Variants in FOXP2 observed in about 807,000 individuals in gnomAD.
The protein encoded by FOXP2 is forkhead box protein P2.
FOXP2 carries 12 observed loss-of-function variants against 115.8 expected under a neutral mutation model. The ratio of observed to expected loss-of-function variants is 0.10; its 90% CI spans 0.07 to 0.17. The LOEUF (loss-of-function observed/expected upper bound fraction) is 0.17, where lower values mean the gene tolerates loss of function less well. FOXP2 is among the 10% of genes least tolerant of loss of function. The probability of loss-of-function intolerance (pLI) is 1.00; values close to 1 mark genes in which losing one functional copy is unlikely to be tolerated. For synonymous variants in FOXP2, 328 were observed against 297.7 expected (o/e 1.10, Z -1.05); for missense variants, 629 against 843.5 (o/e 0.75, Z 3.15).
At position 114,147,666 on chromosome 7, in the gene FOXP2, A is replaced by C. The variant is rs1792413879; in HGVS notation, c.-246-15278A>C. On this transcript the variant is annotated intron_variant, in intron 1 of 19. Transcript: ENST00000635638. ...AATGATCATTTGATACTAGTCTATAAAGCCAAAAAAGAAAAATAATTTAAT... is the reference window on the plus strand; with the variant it reads ...AATGATCATTTGATACTAGTCTATACAGCCAAAAAAGAAAAATAATTTAAT... Among the ~76,000 whole-genome samples the C allele has an allele frequency of 2.0e-5, 3 of 152,300 alleles. No homozygotes were observed. The South Asian group carries it at 6.2e-4, about 32-fold the overall frequency.
At chr7:114,589,647 A>G (rs1253405491) in intron 3 of FOXP2, among the ~76,000 whole-genome samples, 2 of 152,202 alleles carry the variant, frequency 1.3e-5, no homozygotes, top group East Asian at 3.9e-4. Context: ...CATTTCTGTG[A>G]GAAAGCTTGC....
At position 114,517,005 on chromosome 7, in the gene FOXP2, A is replaced by G. The variant is rs148327739; in HGVS notation, c.169-17612A>G. 1.8e-3 allele frequency among the ~76,000 whole-genome samples: 267 copies of G among 151,800 alleles called. 1 individual carries two copies. The highest frequency in any genetic ancestry group is 3.1e-3 in the Non-Finnish European group (209 of 67,904). Reference sequence around the variant, plus strand: ...CACTGTGCCTGACCTTTGTCTTTTAATAGTAACCATTCTTTTTTTTTTTAA... The same window carrying G: ...CACTGTGCCTGACCTTTGTCTTTTAGTAGTAACCATTCTTTTTTTTTTTAA... On this transcript the variant is annotated intron_variant, in intron 2 of 16. Transcript: ENST00000350908.
At chr7:114,095,825 C>T (rs529753752) in intron 1 of FOXP2, among the ~76,000 whole-genome samples, 27 of 152,244 alleles carry the variant, frequency 1.8e-4, no homozygotes, top group African/African-American at 6.0e-4. Context: ...TTTACATGCA[C>T]AGACATACAT....
intron 16 of FOXP2, among the ~76,000 whole-genome samples, chr7:114,689,388 C>A (rs570291901): frequency 1.3e-5 from 2 of 152,214 alleles, no homozygotes; most frequent in East Asian, 3.9e-4. Flanking sequence ...CAGTTGTTAT[C>A]TTAATTGCTA....
intron 2 of FOXP2, among the ~76,000 whole-genome samples, chr7:114,493,222 T>C (rs943094014): frequency 6.6e-6 from 1 of 152,182 alleles, no homozygotes; most frequent in Non-Finnish European, 1.5e-5. Context: ...TCAGAGACTA[T>C]GATTACAACC....
At chr7:114,291,839 T>TTA (rs1283505084) in intron 2 of FOXP2, among the ~76,000 whole-genome samples, 11 of 142,420 alleles carry the variant, frequency 7.7e-5, no homozygotes, top group Admixed American at 2.3e-4. Context: ...ATATAATGTT[T>TTA]TATATATATA....
chr7:114,106,611 T>G (rs1791124265), intron 1 of FOXP2, among the ~76,000 whole-genome samples: 1 of 151,982 alleles, frequency 6.6e-6, no homozygotes, highest in African/African-American at 2.4e-5. Context: ...CCAGAAACAT[T>G]CTTTAGAGGA....
At chr7:114,623,209 A>G (rs1008461914) in intron 3 of FOXP2, among the ~76,000 whole-genome samples, 2 of 151,994 alleles carry the variant, frequency 1.3e-5, no homozygotes, top group Admixed American at 6.6e-5. Context: ...TAAGATATGC[A>G]GTAACTTCTT....
Position 114,518,362 on chromosome 7 carries a change from GT to G in FOXP2, c.169-16249del, listed in dbSNP as rs998260674. 6.6e-5 allele frequency among the ~76,000 whole-genome samples: 10 copies of G among 152,094 alleles called. No individual in the cohort carries two copies. The East Asian group carries it at 7.7e-4, about 12-fold the overall frequency. ...TCCTTGTATAGGAAAATACTTTTAT[GT>G]TTTTTCCCCAAGTGGAAATTGATTG... On this transcript the variant is annotated intron_variant, in intron 2 of 16. Coordinates refer to ENST00000350908, the MANE Select transcript of FOXP2 (RefSeq NM_014491.4).
chr7:114,491,651 A>T (rs535947994), intron 2 of FOXP2, among the ~76,000 whole-genome samples: 1 of 152,270 alleles, frequency 6.6e-6, no homozygotes, highest in Admixed American at 6.5e-5. Flanking sequence ...TCTAACATTT[A>T]AGTCTTTAAT....
At chr7:114,455,223 C>G (rs73434182) in intron 2 of FOXP2, among the ~76,000 whole-genome samples, 1 of 152,112 alleles carries the variant, frequency 6.6e-6, no homozygotes, top group Non-Finnish European at 1.5e-5. Context: ...TTTTCCTAAC[C>G]CAAATTCTTT....
At chr7:114,382,756 C>T (rs1162875563) in intron 2 of FOXP2, among the ~76,000 whole-genome samples, 1 of 152,140 alleles carries the variant, frequency 6.6e-6, no homozygotes, top group Non-Finnish European at 1.5e-5. Context: ...GAGTGATAAA[C>T]TTATCCTTTA....
rs1034720753 is a variant in FOXP2, at chr7:114,480,706, T to C, written c.169-53911T>C. Among the ~76,000 whole-genome samples the C allele has an allele frequency of 2.0e-5, 3 of 150,670 alleles. No individual in the cohort carries two copies. In the East Asian group the frequency reaches 5.8e-4, roughly 29 times the overall value. On this transcript the variant is annotated intron_variant, in intron 2 of 16. Coordinates refer to ENST00000350908, the MANE Select transcript of FOXP2 (RefSeq NM_014491.4). ...ATACATATGTGTGTGCATATATACA[T>C]ATGTGCATGTATATACATATACACG...
chr7:114,489,530 C>G (rs1257185378), intron 2 of FOXP2, among the ~76,000 whole-genome samples: 1 of 151,716 alleles, frequency 6.6e-6, no homozygotes, highest in African/African-American at 2.4e-5. Context: ...CATTCTTCTG[C>G]TTGAATGAAT....
intron 1 of FOXP2, among the ~76,000 whole-genome samples, chr7:114,149,021 T>C (rs752312401): frequency 6.6e-6 from 1 of 152,166 alleles, no homozygotes; most frequent in African/African-American, 2.4e-5. Flanking sequence ...GGCTAAATCA[T>C]TGAATTGTTA....
At chr7:114,441,753 A>T (rs1051364504) in intron 2 of FOXP2, among the ~76,000 whole-genome samples, 1 of 152,162 alleles carries the variant, frequency 6.6e-6, no homozygotes, top group African/African-American at 2.4e-5. Flanking sequence ...ATGTAAATGA[A>T]AAACTGTTCC....
Position 114,457,387 on chromosome 7 carries a change from C to A in FOXP2, c.168+30708C>A, listed in dbSNP as rs911837618. 2.0e-5 allele frequency among the ~76,000 whole-genome samples: 3 copies of A among 151,826 alleles called. No individual in the cohort carries two copies. In the South Asian group the frequency reaches 6.2e-4, roughly 32 times the overall value. ...AAAGGTTAAGTTCTCTACTTTTTAT[C>A]CCCTTGATTAAAAAAAAATCATAAT... On this transcript the variant is annotated intron_variant, in intron 2 of 16. Transcript: ENST00000350908.
chr7:114,444,971 A>G (rs1794767201), intron 2 of FOXP2, among the ~76,000 whole-genome samples: 1 of 152,148 alleles, frequency 6.6e-6, no homozygotes, highest in Non-Finnish European at 1.5e-5. Context: ...CACATAATTT[A>G]AAGAAGAAAA....
intron 2 of FOXP2, among the ~76,000 whole-genome samples, chr7:114,458,550 T>C (rs999241098): frequency 3.1e-4 from 45 of 145,650 alleles, no homozygotes; most frequent in African/African-American, 1.8e-4. Context: ...TCTTTTCTTT[T>C]TTTTTTTTTT....
Sources: gnomAD v4.1 joint callset for allele counts (sites outside exome capture counted in the v4.1 genomes callset) on GRCh38, gnomAD v4.1.1 for gene constraint, MANE v1.5 for transcripts, NCBI Gene and HGNC (gene_info 2026-07-23, HGNC 2026-07-21) for gene names.